PKD1: variants seen among roughly 807,000 people sequenced by gnomAD.
PKD1 encodes the protein polycystin-1.
Under a neutral mutation model 361.7 loss-of-function variants are expected in PKD1, and 81 were observed. The ratio of observed to expected loss-of-function variants is 0.22; its 90% confidence interval spans 0.19 to 0.27. PKD1 has a LOEUF of 0.27. Ranked by LOEUF, PKD1 falls within the 10% of genes least tolerant of loss-of-function variation. The probability of loss-of-function intolerance (pLI) is 1.00; values close to 1 mark genes in which losing one functional copy is unlikely to be tolerated. For missense variants in PKD1, 6,399 were observed against 6,118.3 expected, an observed-to-expected ratio of 1.05 and a Z score of -1.53; for synonymous variants, 3,615 against 2,818.3, an observed-to-expected ratio of 1.28 and a Z score of -8.95.
rs2092428127 is a variant in PKD1 at position 2,108,855 on chromosome 16, G to A, written c.6312C>T (p.Asp2104=). 1 of 1,574,666 alleles carries A rather than the reference G, an allele frequency of 6.4e-7. No individual in the cohort carries two copies. The highest frequency in any genetic ancestry group is 8.6e-7 in the Non-Finnish European group (1 of 1,161,294). Residue 2104 remains aspartate (D), a synonymous_variant, in exon 15 of 46, where the codon GAC becomes GAT. Transcript: ENST00000262304. ...AGTGCTCGGCCCTGGGCTCATCTGT[G>A]TCCTGCCCTGGCGACCCATCCCCAA... ...WDFGDGSPGQ[D]TDEPRAEHSY...
intron 1 of PKD1, among the ~76,000 whole-genome samples, chr16:2,121,939 A>T (rs867916815): frequency 1.3e-5 from 2 of 152,224 alleles, no homozygotes; most frequent in Admixed American, 6.5e-5. Flanking sequence ...GGCGGCCTCC[A>T]TCCCTGAACA....
intron 40 of PKD1, 36 bp from the exon 41 acceptor site, chr16:2,091,942 G>A (rs763514263): frequency 3.7e-6 from 6 of 1,611,680 alleles, no homozygotes; most frequent in South Asian, 1.1e-5. Flanking sequence ...CCGCACCCCA[G>A]CCCTTCCGGC....
chr16:2,130,317 G>A (rs1432293433), intron 1 of PKD1, among the ~76,000 whole-genome samples: 1 of 152,140 alleles, frequency 6.6e-6, no homozygotes, highest in Non-Finnish European at 1.5e-5. Context: ...TCCTGACAGA[G>A]GCCCTACCCC....
At chr16:2,130,492 C>T (rs1036424101) in intron 1 of PKD1, among the ~76,000 whole-genome samples, 7 of 152,228 alleles carry the variant, frequency 4.6e-5, no homozygotes, top group Non-Finnish European at 7.3e-5. Flanking sequence ...TGGTTGAACG[C>T]GGGCTCCAGT....
rs1355876040 is a variant in PKD1 at position 2,111,391 on chromosome 16, G to A, written c.3776C>T (p.Thr1259Ile). 23 of 1,611,384 alleles carry A rather than the reference G, an allele frequency of 1.4e-5. No individual in the cohort carries two copies. Among genetic ancestry groups the A allele is most frequent in the Non-Finnish European group, 1.9e-5 (23 of 1,179,544 alleles). ...TGCCCGCAGGTACACATGCTCCACTGTTGCCTCCGGGCCCGACAGCACGGT... is the reference window on the plus strand; with the variant it reads ...TGCCCGCAGGTACACATGCTCCACTATTGCCTCCGGGCCCGACAGCACGGT... ...DGTVLSGPEA[T>I]VEHVYLRAQN... Residue 1259 changes from threonine (T) to isoleucine (I), a missense_variant, in exon 15 of 46, where the codon ACA becomes ATA. By Grantham distance (89) the Thr-to-Ile change is moderately conservative (BLOSUM62 -1). Transcript: ENST00000262304.
intron 16 of PKD1, chr16:2,107,364 C>T: frequency 2.7e-6 from 1 of 370,930 alleles, no homozygotes; most frequent in Admixed American, 3.8e-5. Context: ...CCTGCTCCCA[C>T]ACCCTCCCCT....
In PKD1 at chr16:2,100,478, G is replaced by A. The variant is rs751351623; in HGVS notation, c.9486C>T (p.Arg3162=). The change falls in exon 27 of 46, where the codon CGC becomes CGT. Residue 3162 remains arginine, a synonymous_variant. Coordinates refer to ENST00000262304, the MANE Select transcript of PKD1 (RefSeq NM_001009944.3). The surrounding 1 kb of genome is among the most constrained non-coding windows in gnomAD (Gnocchi z 4.4). ...RHLDGDRAFH[R]NSLDIFRIAT... ...CGATCCGGAAGATGTCCAGGCTGTT[G>A]CGGTGGAAGGCTCTGTCGCCGTCCA... 1 of 1,610,558 alleles carries A rather than the reference G, an allele frequency of 6.2e-7. No homozygotes were observed. Among genetic ancestry groups the A allele is most frequent in the Non-Finnish European group, 8.5e-7 (1 of 1,179,464 alleles).
At position 2,112,829 on chromosome 16, in the gene PKD1, C is replaced by T. The variant is rs747215688; in HGVS notation, c.3120G>A (p.Thr1040=). The T allele has an allele frequency of 3.4e-5, 54 of 1,602,298 alleles. No individual in the cohort carries two copies. In the African/African-American group the frequency reaches 5.2e-4, roughly 15 times the overall value. Residue 1040 remains threonine, a synonymous_variant, in exon 13 of 46, where the codon ACG becomes ACA. Coordinates refer to ENST00000262304, the MANE Select transcript of PKD1 (RefSeq NM_001009944.3). ...CGGCCGAGTCCACCAGCACGCCCGCCGTCAGTGCTAGCGTGGCATTGGGGG... is the reference window on the plus strand; with the variant it reads ...CGGCCGAGTCCACCAGCACGCCCGCTGTCAGTGCTAGCGTGGCATTGGGGG... ...VLSPNATLAL[T]AGVLVDSAVE...
chr16:2,115,957 G>GCCCACCA lies in PKD1; in HGVS notation c.1849+28_1849+34dup, dbSNP rs56173969. Reference sequence around the variant, plus strand: ...GAGAGGCCACCCCGAGTCCTGCGGCGCCCACCACCCACCACCCACCACCCA... The same window carrying GCCCACCA: ...GAGAGGCCACCCCGAGTCCTGCGGCGCCCACCACCCACCACCCACCACCCACCACCCA... On this transcript the variant is annotated intron_variant, in intron 9 of 45. Transcript: ENST00000262304. 2.5e-5 allele frequency: 38 copies of GCCCACCA among 1,507,054 alleles called. 1 individual carries two copies. Among genetic ancestry groups the GCCCACCA allele is most frequent in the Middle Eastern group, 2.3e-4 (1 of 4,288 alleles). The allele number at this position is 1,507,054 out of a possible 1,614,324, so 93.4% of individuals were successfully genotyped here. A position where few individuals can be genotyped will look rare whatever the true frequency, so the allele number is the denominator to read the frequency against.
At chr16:2,121,055 A>T (rs1415252417) in intron 1 of PKD1, among the ~76,000 whole-genome samples, 2 of 151,564 alleles carry the variant, frequency 1.3e-5, no homozygotes, top group African/African-American at 2.4e-5. Flanking sequence ...GAAAGGGAGG[A>T]GAGAGAGAAG....
At position 2,092,517 on chromosome 16, in the gene PKD1, C is replaced by T. The variant is rs1317042919; in HGVS notation, c.11232G>A (p.Leu3744=). ...YVHGNQSSPE[L]GPPRLRQVRL... ...GCACCTGCCGCAGCCGTGGGGGCCC[C>T]AGCTCTGGGCTGGACTGGTTCCCGT... The change falls in exon 39 of 46, where the codon CTG becomes CTA. Residue 3744 remains leucine (L), a synonymous_variant. Coordinates refer to ENST00000262304, the MANE Select transcript of PKD1 (RefSeq NM_001009944.3). The T allele has an allele frequency of 2.5e-6, 4 of 1,612,522 alleles. No individual in the cohort carries two copies. The highest frequency in any genetic ancestry group is 2.7e-5 in the African/African-American group (2 of 74,934).
intron 14 of PKD1, 32 bp from the exon 15 acceptor site, chr16:2,111,903 G>A (rs373715262): frequency 1.0e-4 from 164 of 1,608,126 alleles, no homozygotes; most frequent in East Asian, 2.2e-4. Flanking sequence ...GGGCAGCCGC[G>A]GCACCCCCAC....
chr16:2,102,408 G>A lies in PKD1; in HGVS notation c.9174C>T (p.Pro3058=), dbSNP rs1330136510. 2 of 1,557,524 alleles carry A rather than the reference G, an allele frequency of 1.3e-6. No individual in the cohort carries two copies. Among genetic ancestry groups the A allele is most frequent in the Non-Finnish European group, 1.7e-6 (2 of 1,151,748 alleles). The change falls in exon 25 of 46, where the codon CCC becomes CCT. Residue 3058 remains proline, a synonymous_variant. Coordinates refer to ENST00000262304, the MANE Select transcript of PKD1 (RefSeq NM_001009944.3). ...GAAACACAAAGCGGACATGGCTTGGGGGCACGAAGAGGCTGGCGCCGAAGG... is the reference window on the plus strand; with the variant it reads ...GAAACACAAAGCGGACATGGCTTGGAGGCACGAAGAGGCTGGCGCCGAAGG... ...LTAFGASLFV[P]PSHVRFVFPE...
At position 2,103,403 on chromosome 16, in the gene PKD1, C is replaced by T. The variant is rs749700361; in HGVS notation, c.8654G>A (p.Arg2885Gln). The T allele has an allele frequency of 8.8e-5, 140 of 1,599,654 alleles. No individual in the cohort carries two copies. Among genetic ancestry groups the T allele is most frequent in the East Asian group, 2.7e-4 (12 of 44,878 alleles). ...KVPNNSDWAA[R>Q]GHRSSANSAN... ...GGAGTTGGCGGAGCTGCGGTGGCCCCGGGCAGCCCAGTCCGAGTTGTTGGG... is the reference window on the plus strand; with the variant it reads ...GGAGTTGGCGGAGCTGCGGTGGCCCTGGGCAGCCCAGTCCGAGTTGTTGGG... Residue 2885 changes from arginine to glutamine, a missense_variant, in exon 23 of 46, where the codon CGG (arginine) becomes CAG (glutamine). Transcript: ENST00000262304.
rs376572189 is a variant in PKD1, at chr16:2,110,309, C to T, written c.4858G>A (p.Ala1620Thr). ...ACATAGACGAAGATGCTGTCCTGGG[C>T]GGAGCCCACCTCGTTCTCAGCCGTG... ...IVTAENEVGS[A>T]QDSIFVYVLQ... The change falls in exon 15 of 46, where the codon GCC becomes ACC. Residue 1620 changes from alanine to threonine, a missense_variant. By Grantham distance (58) the Ala-to-Thr change is moderately conservative. Coordinates refer to ENST00000262304, the MANE Select transcript of PKD1 (RefSeq NM_001009944.3). 169 of 1,612,516 alleles carry T rather than the reference C, an allele frequency of 1.0e-4. No individual in the cohort carries two copies. Among genetic ancestry groups the T allele is most frequent in the Non-Finnish European group, 1.3e-4 (154 of 1,179,850 alleles).
intron 16 of PKD1, chr16:2,107,549 G>A: frequency 2.3e-6 from 1 of 442,626 alleles, no homozygotes; most frequent in South Asian, 2.1e-5. Context: ...GCGTGAGGGT[G>A]AGAACCGGCC....
In PKD1 at chr16:2,097,246, A is replaced by G. The variant is rs1288590867; in HGVS notation, c.10406-5T>C. The G allele has an allele frequency of 6.3e-7, 1 of 1,592,540 alleles. No homozygotes were observed. The highest frequency in any genetic ancestry group is 1.8e-5 in the Admixed American group (1 of 56,672). ...CCTGCTGGATCAGGTCTTCATCTAG[A>G]GGTACAGGAGGCATAGGGTGGGCCC... On this transcript the variant is annotated splice_polypyrimidine_tract_variant and splice_region_variant and intron_variant, in intron 33 of 45. Transcript: ENST00000262304.
chr16:2,108,366 C>T lies in PKD1; in HGVS notation c.6801G>A (p.Val2267=). Residue 2267 remains valine (V), a synonymous_variant, in exon 15 of 46, where the codon GTG becomes GTA. Transcript: ENST00000262304. ...VPIIEGGSYR[V]WSDTRDLVLD... Reference sequence around the variant, plus strand: ...GCACCAGGTCCCGTGTGTCTGACCACACGCGGTATGAGCCACCCTCAATGA... The same window carrying T: ...GCACCAGGTCCCGTGTGTCTGACCATACGCGGTATGAGCCACCCTCAATGA... 2.5e-6 allele frequency: 4 copies of T among 1,610,418 alleles called. No individual in the cohort carries two copies. Among genetic ancestry groups the T allele is most frequent in the Non-Finnish European group, 3.4e-6 (4 of 1,179,600 alleles).
intron 7 of PKD1, 29 bp from the exon 8 acceptor site, chr16:2,116,673 C>T (rs749405978): frequency 1.4e-4 from 191 of 1,332,690 alleles, no homozygotes; most frequent in Non-Finnish European, 1.8e-4. Context: ...AGTGAGGCGC[C>T]GGGCCAGGGC....
Sources: allele counts gnomAD v4.1 joint callset (sites outside exome capture counted in the v4.1 genomes callset), GRCh38; gene constraint gnomAD v4.1.1; non-coding constraint Gnocchi (gnomAD v3.1); transcripts MANE v1.5; gene names NCBI Gene and HGNC (gene_info 2026-07-23, HGNC 2026-07-21).